The following KCNQ5 variants were observed in gnomAD, a reference collection of about 807,000 sequenced individuals.
KCNQ5 encodes the protein potassium voltage-gated channel subfamily Q member 5.
A neutral mutation model predicts 98.2 loss-of-function variants in KCNQ5; 30 were observed. The ratio of observed to expected loss-of-function variants is 0.31; its 90% CI spans 0.23 to 0.41. The LOEUF (loss-of-function observed/expected upper bound fraction) is 0.41. Among genes scored for constraint, KCNQ5 ranks in the 10% least tolerant of loss-of-function variants. The pLI is 1.00. For synonymous variants in KCNQ5, 458 were observed against 449.4 expected, an observed-to-expected ratio of 1.02 and a Z score of -0.24; for missense variants, 835 against 1,182.5, an observed-to-expected ratio of 0.71 and a Z score of 4.31.
At chr6:72,670,304 TCTC>T (rs1455684310) in intron 1 of KCNQ5, among the ~76,000 whole-genome samples, 10 of 152,206 alleles carry the variant, frequency 6.6e-5, no homozygotes, top group Admixed American at 6.5e-4. Flanking sequence ...TCTCTCCAGC[TCTC>T]CTCTTTTCTT....
chr6:72,644,768 T>A (rs1765501982), intron 1 of KCNQ5, among the ~76,000 whole-genome samples: 1 of 152,124 alleles, frequency 6.6e-6, no homozygotes, highest in Admixed American at 6.5e-5. Context: ...TAGTCCTTCT[T>A]ATTCTCTGTC....
intron 1 of KCNQ5, among the ~76,000 whole-genome samples, chr6:72,795,859 A>G (rs965285912): frequency 6.6e-6 from 1 of 152,154 alleles, no homozygotes; most frequent in African/African-American, 2.4e-5. Flanking sequence ...TTCATTGAAA[A>G]GTAATTCTAA....
At chr6:72,945,985 GAGCCATGT>G (rs562587294) in intron 1 of KCNQ5, among the ~76,000 whole-genome samples, 106 of 152,118 alleles carry the variant, frequency 7.0e-4, no homozygotes, top group Non-Finnish European at 1.3e-3. Flanking sequence ...AGATTCGGGA[GAGCCATGT>G]AACTGTTCCA....
chr6:72,750,582 G>C (rs1469005344), intron 1 of KCNQ5, among the ~76,000 whole-genome samples: 40 of 151,926 alleles, frequency 2.6e-4, no homozygotes, highest in Admixed American at 2.6e-3. Flanking sequence ...ACTGTATGAT[G>C]CTTTTTAAGT....
intron 13 of KCNQ5, 72 bp downstream of exon 13, chr6:73,192,763 A>G (rs915870835): frequency 4.0e-6 from 5 of 1,258,802 alleles, no homozygotes; most frequent in East Asian, 2.5e-5. Flanking sequence ...AGGCAATTGT[A>G]TGTATTCCAG....
At chr6:72,654,658 C>T (rs1239299339) in intron 1 of KCNQ5, among the ~76,000 whole-genome samples, 2 of 151,988 alleles carry the variant, frequency 1.3e-5, no homozygotes, top group Non-Finnish European at 2.9e-5. Context: ...TTGTGATTTC[C>T]AGAAGAATCA....
intron 1 of KCNQ5, among the ~76,000 whole-genome samples, chr6:72,640,315 T>C (rs1157393214): frequency 6.6e-6 from 1 of 150,852 alleles, no homozygotes. Flanking sequence ...GTGTTAAAGC[T>C]CCTTATATAA....
At chr6:72,632,551 T>A (rs9360573) in intron 1 of KCNQ5, among the ~76,000 whole-genome samples, 99,099 of 151,910 alleles carry the variant, frequency 0.65, 32,951 homozygotes, top group Middle Eastern at 0.83. Context: ...AGTACCCAAT[T>A]GTTAGTTTTT....
intron 1 of KCNQ5, among the ~76,000 whole-genome samples, chr6:72,830,476 A>G (rs1776207660): frequency 6.6e-6 from 1 of 152,236 alleles, no homozygotes; most frequent in African/African-American, 2.4e-5. Context: ...AAAAACAAGG[A>G]ATGGGGAAAG....
rs114996147 is a variant in KCNQ5, at chr6:72,673,311, G to A, written c.398+50724G>A. Among the ~76,000 whole-genome samples, 214 of 152,214 alleles carry A rather than the reference G, an allele frequency of 1.4e-3. 1 individual carries two copies. Among genetic ancestry groups the A allele is most frequent in the African/African-American group, 5.0e-3 (207 of 41,530 alleles). On this transcript the variant is annotated intron_variant, in intron 1 of 13. Transcript: ENST00000370398. Reference sequence around the variant, plus strand: ...TGTTTACTTACAGAAGAAGAAGCAAGCAGTTGAAAGACACACCCTAAATAT... The same window carrying A: ...TGTTTACTTACAGAAGAAGAAGCAAACAGTTGAAAGACACACCCTAAATAT...
intron 1 of KCNQ5, among the ~76,000 whole-genome samples, chr6:72,673,361 C>T (rs1378089604): frequency 6.6e-6 from 1 of 152,102 alleles, no homozygotes; most frequent in African/African-American, 2.4e-5. Flanking sequence ...GTATTTTCTT[C>T]CTTGAAATAC....
chr6:72,709,267 T>C (rs1469714686), intron 1 of KCNQ5, among the ~76,000 whole-genome samples: 3 of 152,206 alleles, frequency 2.0e-5, no homozygotes, highest in African/African-American at 4.8e-5. Flanking sequence ...TATTGCCTTG[T>C]TTTTAGGACA....
At chr6:72,827,212 A>G (rs1776042790) in intron 1 of KCNQ5, among the ~76,000 whole-genome samples, 1 of 152,102 alleles carries the variant, frequency 6.6e-6, no homozygotes, top group Non-Finnish European at 1.5e-5. Flanking sequence ...TTTTGATACA[A>G]TGACTTTCTT....
intron 11 of KCNQ5, among the ~76,000 whole-genome samples, chr6:73,187,417 C>T (rs1456481114): frequency 1.4e-5 from 2 of 147,358 alleles, no homozygotes; most frequent in African/African-American, 5.1e-5. Flanking sequence ...CAAGGTTGCT[C>T]CAGGCACCAC....
chr6:73,042,444 T>C (rs950648133), intron 3 of KCNQ5, among the ~76,000 whole-genome samples: 1 of 152,190 alleles, frequency 6.6e-6, no homozygotes, highest in Admixed American at 6.5e-5. Context: ...TAGGGGAACA[T>C]TGATTTCAGT....
chr6:72,723,316 C>T (rs1770074650), intron 1 of KCNQ5, among the ~76,000 whole-genome samples: 1 of 152,066 alleles, frequency 6.6e-6, no homozygotes, highest in African/African-American at 2.4e-5. Flanking sequence ...TCTTAGAGTA[C>T]CTAACACATA....
intron 1 of KCNQ5, among the ~76,000 whole-genome samples, chr6:72,696,178 C>T (rs1266169498): frequency 6.6e-6 from 1 of 152,020 alleles, no homozygotes; most frequent in Non-Finnish European, 1.5e-5. Flanking sequence ...AGGTTGTTCG[C>T]AGCAATGGTT....
chr6:73,081,124 C>T (rs9343000), intron 5 of KCNQ5, among the ~76,000 whole-genome samples: 111,779 of 152,060 alleles, frequency 0.74, 45,012 homozygotes, highest in Non-Finnish European at 0.89. Flanking sequence ...AAAAAAAGAG[C>T]TATGTGTTTT....
At chr6:72,805,633 A>G (rs574881203) in intron 1 of KCNQ5, among the ~76,000 whole-genome samples, 4 of 152,166 alleles carry the variant, frequency 2.6e-5, no homozygotes, top group East Asian at 3.9e-4. Flanking sequence ...TTTTGCCCAG[A>G]ATAACTTCAG....
Sources: allele counts gnomAD v4.1 joint callset (sites outside exome capture counted in the v4.1 genomes callset), GRCh38; gene constraint gnomAD v4.1.1; transcripts MANE v1.5; gene names NCBI Gene and HGNC (gene_info 2026-07-23, HGNC 2026-07-21).